Variants in VSTM2B observed in about 807,000 individuals in gnomAD.
VSTM2B encodes the protein V-set and transmembrane domain containing 2B.
VSTM2B carries 24 observed loss-of-function variants against 24.0 expected under a neutral mutation model. That is an observed-to-expected ratio of 1.00 (90% CI 0.72 to 1.40). VSTM2B has a LOEUF of 1.40. Among genes scored for constraint, VSTM2B ranks in the 40% most tolerant of loss-of-function variants. VSTM2B has a pLI of 0.00. For missense variants in VSTM2B, 399 were observed against 416.4 expected (o/e 0.96, Z 0.36); for synonymous variants, 226 against 194.4 (o/e 1.16, Z -1.35).
chr19:29,527,368 G>T lies in VSTM2B; in HGVS notation c.240G>T (p.Ala80=), dbSNP rs1295326400. The part of the protein sequence containing the change: ...EPPRELLHEL[A]LSVPGARSKV... ...CCCGGGAGCTGCTGCACGAGCTGGCGCTCAGCGTGCCGGGCGCCCGGAGCA... is the reference window on the plus strand; with the variant it reads ...CCCGGGAGCTGCTGCACGAGCTGGCTCTCAGCGTGCCGGGCGCCCGGAGCA... The change falls in exon 2 of 5, where the codon GCG becomes GCT. Residue 80 remains alanine, a synonymous_variant. Coordinates refer to ENST00000335523, the MANE Select transcript of VSTM2B (RefSeq NM_001146339.2). 4 of 1,542,402 alleles carry T rather than the reference G, an allele frequency of 2.6e-6. No homozygotes were observed. Among genetic ancestry groups the T allele is most frequent in the Non-Finnish European group, 3.5e-6 (4 of 1,144,574 alleles).
At position 29,531,897 on chromosome 19, in the gene VSTM2B, G is replaced by A. The variant is rs867892341; in HGVS notation, c.769+1607G>A. Among the ~76,000 whole-genome samples the A allele has an allele frequency of 2.6e-5, 4 of 152,246 alleles. No homozygotes were observed. In the East Asian group the frequency reaches 5.8e-4, roughly 22 times the overall value. On this transcript the variant is annotated intron_variant, in intron 4 of 4. Transcript: ENST00000335523. ...CGGCTCTGTTCCATGCAGTCATCCAGGGACCCAGGCTGAGAGTACCAGCCT... is the reference window on the plus strand; with the variant it reads ...CGGCTCTGTTCCATGCAGTCATCCAAGGACCCAGGCTGAGAGTACCAGCCT...
At position 29,526,678 on chromosome 19, in the gene VSTM2B, A is replaced by G. The variant is rs1568434934; in HGVS notation, c.82+13A>G. 1.3e-6 allele frequency: 2 copies of G among 1,522,530 alleles called. No individual in the cohort carries two copies. Among genetic ancestry groups the G allele is most frequent in the Non-Finnish European group, 1.8e-6 (2 of 1,139,398 alleles). 94.3% of individuals were successfully genotyped at this position (1,522,530 alleles called of 1,614,324 possible). A position where few individuals can be genotyped will look rare whatever the true frequency, so the allele number is the denominator to read the frequency against. On this transcript the variant is annotated intron_variant, in intron 1 of 4. Coordinates refer to ENST00000335523, the MANE Select transcript of VSTM2B (RefSeq NM_001146339.2). This position sits in a 1 kb window ranked among gnomAD's most constrained non-coding sequence, Gnocchi z 4.1. ...TTCGTGGCCGACGGTGAGCGCGGGA[A>G]CTTTGCTGCCGCTGTGGACTCGGGG...
Position 29,529,804 on chromosome 19 carries a change from C to T in VSTM2B, c.298-15C>T, listed in dbSNP as rs1022486040. On this transcript the variant is annotated splice_polypyrimidine_tract_variant and intron_variant, in intron 3 of 4. Coordinates refer to ENST00000335523, the MANE Select transcript of VSTM2B (RefSeq NM_001146339.2). ...GGAGCTGCCCAGCCCGGCCTCTAAC[C>T]CTGCTCTCTTGCAGACCGTACGCGT... 2.6e-6 allele frequency: 4 copies of T among 1,547,604 alleles called. No homozygotes were observed. Among genetic ancestry groups the T allele is most frequent in the East Asian group, 4.9e-5 (2 of 40,708 alleles).
At chr19:29,530,830 A>G (rs1969739258) in intron 4 of VSTM2B, among the ~76,000 whole-genome samples, 1 of 152,110 alleles carries the variant, frequency 6.6e-6, no homozygotes, top group South Asian at 2.1e-4. Flanking sequence ...GGCTAAATGC[A>G]GGATGGCCCT....
intron 4 of VSTM2B, among the ~76,000 whole-genome samples, chr19:29,562,822 A>G (rs11668665): frequency 0.14 from 20,690 of 152,076 alleles, 1,749 homozygotes; most frequent in South Asian, 0.28. Flanking sequence ...CAGGCGGGGG[A>G]CCAAGGCGAA....
chr19:29,559,322 G>A (rs1281831733), intron 4 of VSTM2B, among the ~76,000 whole-genome samples: 1 of 152,216 alleles, frequency 6.6e-6, no homozygotes, highest in Non-Finnish European at 1.5e-5. Flanking sequence ...GGACATGAAT[G>A]AAGCTGGAAA....
chr19:29,534,726 A>AAG (rs1555748906), intron 4 of VSTM2B, among the ~76,000 whole-genome samples: 27 of 148,694 alleles, frequency 1.8e-4, no homozygotes, highest in Non-Finnish European at 2.4e-4. Flanking sequence ...CAAAAAAAAA[A>AAG]AAAGAAAGAA....
intron 4 of VSTM2B, among the ~76,000 whole-genome samples, chr19:29,545,870 GAAAGA>G (rs148039329): frequency 2.2e-4 from 34 of 151,466 alleles, no homozygotes; most frequent in South Asian, 1.5e-3. Context: ...GTTGAAAAAA[GAAAGA>G]AAAGAAAAGA....
At chr19:29,533,378 G>A (rs953005651) in intron 4 of VSTM2B, among the ~76,000 whole-genome samples, 18 of 152,158 alleles carry the variant, frequency 1.2e-4, no homozygotes, top group African/African-American at 4.1e-4. Flanking sequence ...TGAGGTCTCT[G>A]TCACCCCCTA....
At chr19:29,532,550 A>G (rs552485096) in intron 4 of VSTM2B, among the ~76,000 whole-genome samples, 2 of 152,288 alleles carry the variant, frequency 1.3e-5, no homozygotes, top group South Asian at 4.2e-4. Flanking sequence ...CCTCTAGGAT[A>G]TTCCTGGAGG....
At chr19:29,531,140 G>C (rs372453962) in intron 4 of VSTM2B, among the ~76,000 whole-genome samples, 4 of 151,980 alleles carry the variant, frequency 2.6e-5, no homozygotes, top group Admixed American at 6.5e-5. Flanking sequence ...GGGTAGAAAG[G>C]CTTGCCCAGT....
At position 29,563,687 on chromosome 19, in the gene VSTM2B, A is replaced by G. The variant is rs549285015; in HGVS notation, c.770-159A>G. On this transcript the variant is annotated intron_variant, in intron 4 of 4. Transcript: ENST00000335523. ...TACAAACTGCAGCAACAAAATGCTT[A>G]ATCATTAAACCAAGGCAGCCACTAT... Among the ~76,000 whole-genome samples, 7 of 152,334 alleles carry G rather than the reference A, an allele frequency of 4.6e-5. No individual in the cohort carries two copies. The East Asian group carries it at 9.6e-4, about 21-fold the overall frequency.
intron 4 of VSTM2B, among the ~76,000 whole-genome samples, chr19:29,542,561 T>C (rs1970048021): frequency 6.6e-6 from 1 of 151,424 alleles, no homozygotes. Flanking sequence ...AGTGGATGGA[T>C]AGATGGGTGA....
Position 29,529,997 on chromosome 19 carries a change from C to T in VSTM2B, c.476C>T (p.Ala159Val), listed in dbSNP as rs1969695493. The change falls in exon 4 of 5, where the codon GCC becomes GTC. Residue 159 changes from alanine (A) to valine (V), a missense_variant. Coordinates refer to ENST00000335523, the MANE Select transcript of VSTM2B (RefSeq NM_001146339.2). ...LSRFAPPNMQ[A>V]AEAVSHIQSS... ...CGCTTCGCGCCGCCCAACATGCAGG[C>T]CGCCGAGGCCGTGTCCCACATCCAG... is the stretch of plus-strand genomic sequence containing the variant. The T allele has an allele frequency of 6.5e-7, 1 of 1,541,670 alleles. No homozygotes were observed. Among genetic ancestry groups the T allele is most frequent in the African/African-American group, 1.4e-5 (1 of 73,012 alleles).
intron 4 of VSTM2B, among the ~76,000 whole-genome samples, chr19:29,547,424 G>T (rs1568444021): frequency 1.3e-5 from 2 of 152,208 alleles, no homozygotes; most frequent in Non-Finnish European, 2.9e-5. Flanking sequence ...CCTAATAAGT[G>T]CTGGCAACCT....
intron 4 of VSTM2B, among the ~76,000 whole-genome samples, chr19:29,547,817 CG>C (rs570852517): frequency 3.9e-5 from 6 of 151,908 alleles, no homozygotes; most frequent in Non-Finnish European, 7.4e-5. Context: ...AGTCGTTCTG[CG>C]GGGTCAGCCT....
intron 4 of VSTM2B, among the ~76,000 whole-genome samples, chr19:29,544,077 A>AAGC (rs1479102741): frequency 6.6e-6 from 1 of 151,936 alleles, no homozygotes; most frequent in East Asian, 1.9e-4. Context: ...AAAGATTTAA[A>AAGC]AGCAGTTTAT....
chr19:29,562,384 G>C (rs1970550154), intron 4 of VSTM2B, among the ~76,000 whole-genome samples: 3 of 152,196 alleles, frequency 2.0e-5, no homozygotes, highest in Admixed American at 1.3e-4. Context: ...TCAAGTCTCT[G>C]TTTATTAAGG....
At position 29,526,959 on chromosome 19, in the gene VSTM2B, G is replaced by A; in HGVS notation, c.83-252G>A. On this transcript the variant is annotated intron_variant, in intron 1 of 4. Coordinates refer to ENST00000335523, the MANE Select transcript of VSTM2B (RefSeq NM_001146339.2). The surrounding 1 kb of genome is among the most constrained non-coding windows in gnomAD (Gnocchi z 4.1). ...GCTCTGGCGGTGCGGCCAGGGGCGG[G>A]GGAGAAGCACGAGTCGCCCCTGCCG... 1 of 473,662 alleles carries A rather than the reference G, an allele frequency of 2.1e-6. No homozygotes were observed. Among genetic ancestry groups the A allele is most frequent in the Non-Finnish European group, 3.7e-6 (1 of 273,024 alleles). The allele number at this position is 473,662 out of a possible 1,614,324, so 29.3% of individuals were successfully genotyped here.
Sources: gnomAD v4.1 joint callset for allele counts (sites outside exome capture counted in the v4.1 genomes callset) on GRCh38, gnomAD v4.1.1 for gene constraint, Gnocchi (gnomAD v3.1) non-coding constraint, MANE v1.5 for transcripts, NCBI Gene and HGNC (gene_info 2026-07-23, HGNC 2026-07-21) for gene names.